The following NHSL2 variants were observed in gnomAD, a reference collection of about 807,000 sequenced individuals.
NHSL2 encodes the protein NHS like 2, also known as NHS-like protein 2.
NHSL2 carries 27 observed loss-of-function variants against 53.4 expected under a neutral mutation model. The ratio of observed to expected loss-of-function variants is 0.51; its 90% CI spans 0.37 to 0.70. The LOEUF (loss-of-function observed/expected upper bound fraction) is 0.70, where lower values mean the gene tolerates loss of function less well. Ranked by LOEUF, NHSL2 falls within the 30% of genes least tolerant of loss-of-function variation. The pLI is 0.00. For synonymous variants in NHSL2, 408 were observed against 404.1 expected (o/e 1.01, Z -0.12); for missense variants, 892 against 980.1 (o/e 0.91, Z 1.20).
intron 1 of NHSL2, among the ~76,000 whole-genome samples, chrX:72,084,177 A>G (rs1034185190): frequency 3.6e-5 from 4 of 112,283 alleles, no homozygotes; most frequent in African/African-American, 1.3e-4. Flanking sequence ...TTGGTTGCCA[A>G]TGCATTTTAT....
chrX:71,914,097 G>A (rs1228929092), intron 1 of NHSL2, among the ~76,000 whole-genome samples: 2 of 112,268 alleles, frequency 1.8e-5, no homozygotes, highest in Non-Finnish European at 3.8e-5. Flanking sequence ...AGGAGGAGAC[G>A]GTAGACCACA....
intron 1 of NHSL2, among the ~76,000 whole-genome samples, chrX:72,091,946 A>G (rs781695323): frequency 2.1e-4 from 24 of 111,671 alleles, no homozygotes; most frequent in Admixed American, 3.8e-4. Flanking sequence ...GGCCTCCAGC[A>G]AAATGTATTT....
At chrX:71,924,495 A>G (rs1250847879) in intron 1 of NHSL2, among the ~76,000 whole-genome samples, 2 of 111,782 alleles carry the variant, frequency 1.8e-5, no homozygotes, top group East Asian at 5.6e-4. Flanking sequence ...GAAAAGTAAT[A>G]TGACCCTCTT....
intron 1 of NHSL2, among the ~76,000 whole-genome samples, chrX:72,088,938 G>A (rs10856124): frequency 0.3 from 33,111 of 110,835 alleles, 4,591 homozygotes; most frequent in East Asian, 0.69. Flanking sequence ...CATACCCTTC[G>A]GATGGCCGAT....
intron 1 of NHSL2, among the ~76,000 whole-genome samples, chrX:72,100,484 A>T (rs1205049501): frequency 8.9e-6 from 1 of 112,242 alleles, no homozygotes; most frequent in Non-Finnish European, 1.9e-5. Flanking sequence ...TATGCAGTCC[A>T]TTAAGCAGGG....
At chrX:72,117,948 G>C (rs1168721951) in intron 1 of NHSL2, among the ~76,000 whole-genome samples, 1 of 109,970 alleles carries the variant, frequency 9.1e-6, no homozygotes, top group African/African-American at 3.3e-5. Flanking sequence ...TCAAGTTTTT[G>C]TGTGGACATA....
chrX:72,130,724 G>C, intron 1 of NHSL2: 1 of 1,211,959 alleles, frequency 8.3e-7, no homozygotes, highest in Non-Finnish European at 1.1e-6. Context: ...AATTGGTTTT[G>C]GAGGCGGCAG....
chrX:72,030,331 G>T (rs2042207930), intron 1 of NHSL2, among the ~76,000 whole-genome samples: 1 of 112,516 alleles, frequency 8.9e-6, no homozygotes. Context: ...TACCACTGGG[G>T]TTCATCTGTG....
intron 1 of NHSL2, among the ~76,000 whole-genome samples, chrX:72,106,131 C>A (rs1260778485): frequency 5.4e-5 from 6 of 110,991 alleles, no homozygotes; most frequent in Non-Finnish European, 1.1e-4. Flanking sequence ...ATGGCGTGAA[C>A]CCCGGGGGGG....
intron 1 of NHSL2, among the ~76,000 whole-genome samples, chrX:71,961,546 G>A (rs958543003): frequency 9.0e-6 from 1 of 110,540 alleles, no homozygotes; most frequent in Non-Finnish European, 1.9e-5. Context: ...GAATAGAAGT[G>A]TCAAGAGAGG....
intron 1 of NHSL2, among the ~76,000 whole-genome samples, chrX:71,955,146 C>T (rs550064520): frequency 1.8e-5 from 2 of 111,819 alleles, no homozygotes; most frequent in South Asian, 3.8e-4. Context: ...GAAGTAGGAA[C>T]GAGCTCACAT....
intron 1 of NHSL2, among the ~76,000 whole-genome samples, chrX:72,086,683 C>CAAAAAAAA (rs34481140): frequency 1.3e-4 from 3 of 22,495 alleles, no homozygotes; most frequent in Non-Finnish European, 2.4e-4. Flanking sequence ...AACTCCATCT[C>CAAAAAAAA]AAAAAAAAAA....
Position 71,975,203 on chromosome X carries a change from A to G in NHSL2, c.280+63836A>G, listed in dbSNP as rs146176610. ...TCACACCGAGGAGTGACTGCTGGAG[A>G]CAATTACCACCACAGTGGTGACCTG... is the stretch of plus-strand genomic sequence containing the variant. On this transcript the variant is annotated intron_variant, in intron 1 of 7. Transcript: ENST00000633930. 2.8e-3 allele frequency among the ~76,000 whole-genome samples: 308 copies of G among 111,863 alleles called. 2 individuals carry two copies. The highest frequency in any genetic ancestry group is 4.9e-3 in the Non-Finnish European group (258 of 53,120).
intron 4 of NHSL2, among the ~76,000 whole-genome samples, chrX:72,135,748 A>T (rs1435426227): frequency 1.8e-5 from 2 of 112,409 alleles, no homozygotes; most frequent in Admixed American, 9.4e-5. Context: ...CTAAATGTCT[A>T]TCTTGGCCAG....
intron 1 of NHSL2, among the ~76,000 whole-genome samples, chrX:72,002,072 G>T (rs990679899): frequency 9.8e-5 from 11 of 112,404 alleles, no homozygotes; most frequent in Admixed American, 5.6e-4. Context: ...TGGATTTCTA[G>T]CTTCTTTGAA....
intron 1 of NHSL2, among the ~76,000 whole-genome samples, chrX:72,052,024 A>G (rs186874608): frequency 1.6e-3 from 180 of 112,529 alleles, no homozygotes; most frequent in African/African-American, 5.7e-3. Flanking sequence ...CAGCTTATAC[A>G]AATCAGACAT....
chrX:72,003,948 T>G (rs1267243381), intron 1 of NHSL2, among the ~76,000 whole-genome samples: 1 of 111,946 alleles, frequency 8.9e-6, no homozygotes, highest in African/African-American at 3.3e-5. Flanking sequence ...TGCCTGGCAT[T>G]AGTTCCACTT....
intron 1 of NHSL2, chrX:72,129,927 TA>T: frequency 8.3e-7 from 1 of 1,211,256 alleles, no homozygotes; most frequent in Non-Finnish European, 1.1e-6. Flanking sequence ...GGCGTTGTCC[TA>T]AACGACCTGT....
At position 72,139,815 on chromosome X, in the gene NHSL2, C is replaced by A; in HGVS notation, c.2267C>A (p.Pro756His). The change falls in exon 6 of 8, where the codon CCC (proline) becomes CAC (histidine). Residue 756 changes from proline to histidine, a missense_variant. Pro to His is a moderately conservative substitution (Grantham distance 77). Transcript: ENST00000633930. ...PVVPERKSSL[P>H]PTSPMEKFPK... ...GTACCTGAGAGGAAGTCATCACTAC[C>A]CCCGACGTCACCAATGGAGAAATTT... The A allele has an allele frequency of 8.3e-7, 1 of 1,210,518 alleles. No homozygotes were observed. The highest frequency in any genetic ancestry group is 1.8e-5 in the South Asian group (1 of 56,928).
Sources: allele counts gnomAD v4.1 joint callset (sites outside exome capture counted in the v4.1 genomes callset), GRCh38; gene constraint gnomAD v4.1.1; transcripts MANE v1.5; gene names NCBI Gene and HGNC (gene_info 2026-07-23, HGNC 2026-07-21).